STPG2: variants seen among roughly 807,000 people sequenced by gnomAD.
STPG2 encodes the protein sperm tail PG-rich repeat containing 2, also known as sperm-tail PG-rich repeat-containing protein 2.
STPG2 carries 56 observed loss-of-function variants against 54.2 expected under a neutral mutation model. The observed-to-expected ratio is 1.03, with a 90% CI of 0.83 to 1.29. The LOEUF (loss-of-function observed/expected upper bound fraction) is 1.29, where lower values mean the gene tolerates loss of function less well. Ranked by LOEUF, STPG2 falls within the 50% of genes most tolerant of loss-of-function variation. The probability of loss-of-function intolerance (pLI) is 0.00; values close to 1 mark genes in which losing one functional copy is unlikely to be tolerated. For missense variants in STPG2, 596 were observed against 544.9 expected (o/e 1.09, Z -0.93); for synonymous variants, 200 against 181.8 (o/e 1.10, Z -0.81).
At chr4:97,746,403 T>C (rs1484260497) in intron 9 of STPG2, among the ~76,000 whole-genome samples, 1 of 151,336 alleles carries the variant, frequency 6.6e-6, no homozygotes, top group East Asian at 1.9e-4. Context: ...CTCTGCAACA[T>C]ACTCACAATG....
At chr4:97,977,689 G>T (rs1221604906) in intron 6 of STPG2, among the ~76,000 whole-genome samples, 1 of 152,192 alleles carries the variant, frequency 6.6e-6, no homozygotes, top group Admixed American at 6.5e-5. Context: ...GGTCAAGAAA[G>T]CACCAGGGCT....
At position 97,561,873 on chromosome 4, in the gene STPG2, G is replaced by A. The variant is rs978001478; in HGVS notation, c.1321-2756C>T. Among the ~76,000 whole-genome samples the A allele has an allele frequency of 5.6e-4, 86 of 152,224 alleles. 1 individual carries two copies. Among genetic ancestry groups the A allele is most frequent in the South Asian group, 1.0e-3 (5 of 4,820 alleles). On this transcript the variant is annotated intron_variant, in intron 10 of 10. Transcript: ENST00000295268. ...GTAGTATACTTTGAAGTCAGGTAGC[G>A]TGATGCCTCCAGCTTTGTTCTTTTG...
At chr4:97,973,969 G>T (rs1734421896) in intron 6 of STPG2, among the ~76,000 whole-genome samples, 1 of 152,132 alleles carries the variant, frequency 6.6e-6, no homozygotes, top group African/African-American at 2.4e-5. Context: ...CCAAACCCCA[G>T]AATTGTAGAT....
At chr4:98,109,694 T>C (rs1269188051) in intron 3 of STPG2, among the ~76,000 whole-genome samples, 1 of 152,140 alleles carries the variant, frequency 6.6e-6, no homozygotes, top group Non-Finnish European at 1.5e-5. Context: ...TTACCTTAAC[T>C]AAACAGATTG....
intron 9 of STPG2, among the ~76,000 whole-genome samples, chr4:97,836,098 G>T (rs1270466180): frequency 6.6e-6 from 1 of 152,052 alleles, no homozygotes; most frequent in African/African-American, 2.4e-5. Context: ...TGATAAAACA[G>T]TTGTAGGGTT....
At chr4:97,551,531 ACTT>A (rs769208506) in intron 4 of STPG2, among the ~76,000 whole-genome samples, 4 of 152,182 alleles carry the variant, frequency 2.6e-5, no homozygotes, top group African/African-American at 4.8e-5. Context: ...TTTACTTAAA[ACTT>A]CTTCTGAGAA....
Position 97,672,217 on chromosome 4 carries a change from C to T in STPG2, c.1320+40482G>A, listed in dbSNP as rs958217105. Reference sequence around the variant, plus strand: ...AGATGGAGTTTCACTCTTGTTGCCCCGGCTGGAGTGCAATGGCACCATCTT... The same window carrying T: ...AGATGGAGTTTCACTCTTGTTGCCCTGGCTGGAGTGCAATGGCACCATCTT... On this transcript the variant is annotated intron_variant, in intron 10 of 10. Coordinates refer to ENST00000295268, the MANE Select transcript of STPG2 (RefSeq NM_174952.3). 9.0e-5 allele frequency among the ~76,000 whole-genome samples: 13 copies of T among 144,850 alleles called. No homozygotes were observed. In the South Asian group the frequency reaches 1.3e-3, roughly 15 times the overall value.
chr4:97,623,444 T>A (rs1358936901), intron 10 of STPG2, among the ~76,000 whole-genome samples: 1 of 151,826 alleles, frequency 6.6e-6, no homozygotes, highest in South Asian at 2.1e-4. Context: ...TGGGCAAAGG[T>A]CATGAACATA....
chr4:97,719,297 A>C (rs1398665029), intron 9 of STPG2, among the ~76,000 whole-genome samples: 1 of 151,906 alleles, frequency 6.6e-6, no homozygotes, highest in East Asian at 1.9e-4. Context: ...CTCTGGCTGA[A>C]CTTGTTGTAG....
At chr4:97,962,776 G>C (rs936856837) in intron 7 of STPG2, among the ~76,000 whole-genome samples, 1 of 152,174 alleles carries the variant, frequency 6.6e-6, no homozygotes, top group Non-Finnish European at 1.5e-5. Flanking sequence ...ATCAGTGGCA[G>C]AGCAAAAAAG....
chr4:97,838,839 A>G (rs752753577), intron 9 of STPG2, among the ~76,000 whole-genome samples: 1 of 151,622 alleles, frequency 6.6e-6, no homozygotes, highest in South Asian at 2.1e-4. Flanking sequence ...ATCAGATAAT[A>G]GCTTCAGAGG....
intron 8 of STPG2, among the ~76,000 whole-genome samples, chr4:97,863,380 T>A (rs1217086974): frequency 2.0e-5 from 3 of 152,022 alleles, no homozygotes; most frequent in Non-Finnish European, 4.4e-5. Flanking sequence ...ACATACACCC[T>A]CCCAAGACTA....
intron 9 of STPG2, among the ~76,000 whole-genome samples, chr4:97,757,335 C>G (rs549982367): frequency 2.4e-4 from 37 of 152,278 alleles, no homozygotes; most frequent in African/African-American, 8.4e-4. Context: ...ATTAAGCTTA[C>G]TTCAACCACA....
At chr4:97,973,263 T>C (rs1734394644) in intron 6 of STPG2, among the ~76,000 whole-genome samples, 1 of 152,170 alleles carries the variant, frequency 6.6e-6, no homozygotes, top group South Asian at 2.1e-4. Flanking sequence ...ACTTTTGTTA[T>C]GTTTTGGCAA....
At position 98,109,179 on chromosome 4, in the gene STPG2, A is replaced by AT. The variant is rs1240930197; in HGVS notation, c.500+13dup. ...AAGAGCTACATTAAAGGTATACTAT[A>AT]TTTTTTTACTTACTGGACTATATCA... On this transcript the variant is annotated intron_variant, in intron 4 of 10. Transcript: ENST00000295268. The AT allele has an allele frequency of 6.8e-7, 1 of 1,466,522 alleles. No homozygotes were observed. The highest frequency in any genetic ancestry group is 9.3e-7 in the Non-Finnish European group (1 of 1,074,828). 90.8% of individuals were successfully genotyped at this position (1,466,522 alleles called of 1,614,324 possible). A position where few individuals can be genotyped will look rare whatever the true frequency, so the allele number is the denominator to read the frequency against.
intron 8 of STPG2, 68 bp from the exon 9 acceptor site, chr4:97,841,000 T>A (rs1412026828): frequency 6.7e-7 from 1 of 1,487,930 alleles, no homozygotes; most frequent in Non-Finnish European, 9.1e-7. Context: ...AGATACCAGA[T>A]GGATGGTTAC....
intron 8 of STPG2, among the ~76,000 whole-genome samples, chr4:97,863,228 G>C (rs989528905): frequency 6.6e-6 from 1 of 150,996 alleles, no homozygotes; most frequent in African/African-American, 2.4e-5. Context: ...AAAGAGAGAA[G>C]AATCAAACAC....
intron 9 of STPG2, among the ~76,000 whole-genome samples, chr4:97,758,003 A>G (rs1725781986): frequency 6.6e-6 from 1 of 152,194 alleles, no homozygotes; most frequent in South Asian, 2.1e-4. Flanking sequence ...TTTTAATTAA[A>G]ATTATTATGG....
At chr4:97,738,827 C>T (rs1184532049) in intron 9 of STPG2, among the ~76,000 whole-genome samples, 4 of 152,012 alleles carry the variant, frequency 2.6e-5, no homozygotes, top group Non-Finnish European at 4.4e-5. Flanking sequence ...AACAAGGATA[C>T]CCAGGAATTG....
Sources: gnomAD v4.1 joint callset for allele counts (sites outside exome capture counted in the v4.1 genomes callset) on GRCh38, gnomAD v4.1.1 for gene constraint, MANE v1.5 for transcripts, NCBI Gene and HGNC (gene_info 2026-07-23, HGNC 2026-07-21) for gene names.